ANKFN1: variants seen among roughly 807,000 people sequenced by gnomAD.
ANKFN1 encodes the protein ankyrin repeat and fibronectin type-III domain-containing protein 1.
Under a neutral mutation model 108.7 loss-of-function variants are expected in ANKFN1, and 74 were observed. The observed-to-expected ratio is 0.68, with a 90% CI of 0.56 to 0.83. The LOEUF is 0.83. Ranked by LOEUF, ANKFN1 falls within the 40% of genes least tolerant of loss-of-function variation. The pLI is 0.00. For synonymous variants in ANKFN1, 547 were observed against 516.2 expected, an observed-to-expected ratio of 1.06 and a Z score of -0.81; for missense variants, 1,505 against 1,382.3, an observed-to-expected ratio of 1.09 and a Z score of -1.41.
chr17:56,117,462 G>A (rs1163508519), intron 4 of ANKFN1, among the ~76,000 whole-genome samples: 1 of 152,102 alleles, frequency 6.6e-6, no homozygotes, highest in African/African-American at 2.4e-5. Context: ...CTCCAAATGG[G>A]ATGGGCCACA....
intron 8 of ANKFN1, among the ~76,000 whole-genome samples, chr17:56,407,660 C>T (rs1428250138): frequency 6.6e-6 from 1 of 152,126 alleles, no homozygotes; most frequent in Admixed American, 6.5e-5. Context: ...CATCTCAGAA[C>T]TCCCAAAGTA....
chr17:56,127,756 A>T (rs1222002008), intron 4 of ANKFN1, among the ~76,000 whole-genome samples: 1 of 152,232 alleles, frequency 6.6e-6, no homozygotes, highest in Non-Finnish European at 1.5e-5. Flanking sequence ...TCCCTTGTAG[A>T]TACAATTCCA....
intron 3 of ANKFN1, among the ~76,000 whole-genome samples, chr17:56,241,823 A>G (rs1440678765): frequency 7.9e-5 from 12 of 152,134 alleles, no homozygotes; most frequent in Non-Finnish European, 1.6e-4. Context: ...TTACTTATAA[A>G]CATAAGCACT....
intron 8 of ANKFN1, among the ~76,000 whole-genome samples, 165 bp downstream of exon 8, chr17:56,374,879 C>A (rs554649168): frequency 6.6e-6 from 1 of 152,254 alleles, no homozygotes; most frequent in South Asian, 2.1e-4. Flanking sequence ...TGTAAAGGAA[C>A]AATCAAGTGA....
intron 4 of ANKFN1, among the ~76,000 whole-genome samples, chr17:56,098,429 C>A (rs1905574169): frequency 6.9e-6 from 1 of 145,910 alleles, no homozygotes; most frequent in Admixed American, 6.7e-5. Flanking sequence ...CACACACACA[C>A]ACACACACAC....
At chr17:56,190,384 A>G (rs2143689055) in intron 1 of ANKFN1, among the ~76,000 whole-genome samples, 1 of 106,806 alleles carries the variant, frequency 9.4e-6, no homozygotes, top group East Asian at 2.9e-4. Context: ...ACTGCTTTGA[A>G]TGCGTCCCAG....
intron 3 of ANKFN1, among the ~76,000 whole-genome samples, chr17:56,294,280 A>T (rs925397669): frequency 1.3e-5 from 2 of 152,180 alleles, no homozygotes; most frequent in African/African-American, 4.8e-5. Flanking sequence ...AAGAGAATGC[A>T]TGATTGCCCC....
At chr17:56,433,930 C>A (rs904739664) in intron 8 of ANKFN1, among the ~76,000 whole-genome samples, 1 of 152,058 alleles carries the variant, frequency 6.6e-6, no homozygotes, top group African/African-American at 2.4e-5. Flanking sequence ...CAGCAAATTT[C>A]TCTGCTGAGG....
At position 56,381,141 on chromosome 17, in the gene ANKFN1, G is replaced by C. The variant is rs976512773; in HGVS notation, c.910+6427G>C. On this transcript the variant is annotated intron_variant, in intron 8 of 20. Transcript: ENST00000682825. ...CATTCGCAGTTCACAAAAATCTGCT[G>C]TTCTGCAGCCACCGCTGCTGATACC... Among the ~76,000 whole-genome samples, 2 of 152,184 alleles carry C rather than the reference G, an allele frequency of 1.3e-5. 1 individual carries two copies. Among genetic ancestry groups the C allele is most frequent in the Non-Finnish European group, 2.9e-5 (2 of 68,038 alleles).
At chr17:56,209,267 A>G (rs12452415) in intron 1 of ANKFN1, among the ~76,000 whole-genome samples, 48,422 of 151,936 alleles carry the variant, frequency 0.32, 9,135 homozygotes, top group East Asian at 0.51. Context: ...TCCTATTGAC[A>G]CTATTTCAAA....
intron 4 of ANKFN1, among the ~76,000 whole-genome samples, chr17:56,070,071 T>C (rs1438744821): frequency 6.6e-6 from 1 of 152,172 alleles, no homozygotes; most frequent in Non-Finnish European, 1.5e-5. Flanking sequence ...TACTACAACC[T>C]GTTTTATCAG....
intron 4 of ANKFN1, among the ~76,000 whole-genome samples, chr17:56,076,105 T>G (rs1905177934): frequency 6.6e-6 from 1 of 152,226 alleles, no homozygotes; most frequent in East Asian, 1.9e-4. Flanking sequence ...TCTGAACTTC[T>G]GTAAGGTCCA....
intron 3 of ANKFN1, among the ~76,000 whole-genome samples, chr17:56,292,410 A>G (rs2144316529): frequency 6.6e-6 from 1 of 152,270 alleles, no homozygotes. Context: ...CTGAGAAGCT[A>G]AGGACCGTGC....
chr17:56,464,003 G>C (rs914985890), intron 14 of ANKFN1: 4 of 152,296 alleles, frequency 2.6e-5, no homozygotes, highest in Admixed American at 6.5e-5. Flanking sequence ...AGGATCATCA[G>C]GAGCCCTAGA....
intron 3 of ANKFN1, among the ~76,000 whole-genome samples, chr17:56,248,916 A>G (rs898428412): frequency 6.6e-5 from 10 of 152,192 alleles, no homozygotes; most frequent in Admixed American, 3.9e-4. Context: ...ATTATCCAAC[A>G]AATTCACATT....
At chr17:56,059,386 A>G (rs9913779) in intron 4 of ANKFN1, among the ~76,000 whole-genome samples, 5,340 of 151,936 alleles carry the variant, frequency 0.035, 271 homozygotes, top group African/African-American at 0.11. Flanking sequence ...TAGGTTGCCT[A>G]TTTACTCTGA....
At chr17:56,071,660 A>G (rs1905122840) in intron 4 of ANKFN1, among the ~76,000 whole-genome samples, 1 of 152,194 alleles carries the variant, frequency 6.6e-6, no homozygotes, top group South Asian at 2.1e-4. Context: ...AAGGATATCT[A>G]TTACAACAAA....
intron 8 of ANKFN1, among the ~76,000 whole-genome samples, chr17:56,434,413 T>A (rs946420776): frequency 1.1e-4 from 16 of 150,380 alleles, no homozygotes; most frequent in South Asian, 6.3e-4. Context: ...AAGAAGAAGA[T>A]GATGATGAAA....
chr17:56,261,532 A>G (rs1353323077), intron 3 of ANKFN1, among the ~76,000 whole-genome samples: 1 of 151,992 alleles, frequency 6.6e-6, no homozygotes, highest in African/African-American at 2.4e-5. Context: ...CTGAGGAGCA[A>G]GGAAGCCAGT....
Sources: gnomAD v4.1 joint callset for allele counts (sites outside exome capture counted in the v4.1 genomes callset) on GRCh38, gnomAD v4.1.1 for gene constraint, MANE v1.5 for transcripts, NCBI Gene and HGNC (gene_info 2026-07-23, HGNC 2026-07-21) for gene names.